TENM3: variants seen among roughly 807,000 people sequenced by gnomAD.
TENM3 encodes the protein teneurin transmembrane protein 3.
Under a neutral mutation model 255.1 loss-of-function variants are expected in TENM3, and 63 were observed. That is an observed-to-expected ratio of 0.25 (90% CI 0.20 to 0.30). TENM3 has a LOEUF of 0.30. TENM3 is among the 10% of genes least tolerant of loss of function. TENM3 has a pLI of 1.00. For synonymous variants in TENM3, 1,306 were observed against 1,322.3 expected (o/e 0.99, Z 0.27); for missense variants, 2,929 against 3,461.1 (o/e 0.85, Z 3.86).
chr4:181,983,908 T>C, the TENM3 span, among the ~76,000 whole-genome samples: 3 of 152,140 alleles, frequency 2.0e-5, no homozygotes, highest in Non-Finnish European at 4.4e-5. Context: ...AAAAACCTGA[T>C]CGGATGCCTC....
chr4:182,168,035 G>A (rs762479651), intron 1 of TENM3, among the ~76,000 whole-genome samples: 6 of 152,114 alleles, frequency 3.9e-5, no homozygotes, highest in African/African-American at 1.2e-4. Flanking sequence ...CACACCTCTC[G>A]ATTAGAGCTA....
At chr4:181,467,121 A>ATTTTTTT in the TENM3 span, among the ~76,000 whole-genome samples, 32 of 20,360 alleles carry the variant, frequency 1.6e-3, 1 homozygote, top group Admixed American at 0.012. Context: ...ATATATATAT[A>ATTTTTTT]TATATTTTTT....
At chr4:182,318,330 C>T (rs1762864044) in intron 1 of TENM3, among the ~76,000 whole-genome samples, 1 of 151,988 alleles carries the variant, frequency 6.6e-6, no homozygotes, top group African/African-American at 2.4e-5. Flanking sequence ...TCATTGGCAT[C>T]AAGGGTTTTA....
intron 7 of TENM3, among the ~76,000 whole-genome samples, chr4:182,674,868 G>A (rs973263618): frequency 6.6e-6 from 1 of 151,876 alleles, no homozygotes; most frequent in African/African-American, 2.4e-5. Context: ...ACCGCGTCTG[G>A]GCTATTTTAT....
chr4:182,560,318 T>C (rs542038616), intron 3 of TENM3, among the ~76,000 whole-genome samples: 45 of 152,294 alleles, frequency 3.0e-4, no homozygotes, highest in Non-Finnish European at 5.1e-4. Flanking sequence ...ATGTGTGTTT[T>C]ACAATTTTTT....
At chr4:182,411,114 A>G (rs996106903) in intron 3 of TENM3, among the ~76,000 whole-genome samples, 1 of 152,160 alleles carries the variant, frequency 6.6e-6, no homozygotes, top group Non-Finnish European at 1.5e-5. Flanking sequence ...ACTTATCCCT[A>G]AGTCCCACTC....
At chr4:181,486,715 A>G in the TENM3 span, among the ~76,000 whole-genome samples, 1 of 152,178 alleles carries the variant, frequency 6.6e-6, no homozygotes, top group Non-Finnish European at 1.5e-5. Context: ...CTATTTTCAG[A>G]GGTGCATAGT....
chr4:182,591,134 G>T (rs943884842), intron 3 of TENM3, among the ~76,000 whole-genome samples: 2 of 152,012 alleles, frequency 1.3e-5, no homozygotes, highest in Non-Finnish European at 2.9e-5. Context: ...CCAAAAGGTA[G>T]TATATTTAAC....
intron 1 of TENM3, among the ~76,000 whole-genome samples, chr4:182,172,687 T>C (rs2149700366): frequency 6.6e-6 from 1 of 152,290 alleles, no homozygotes; most frequent in East Asian, 1.9e-4. Flanking sequence ...AAATTATTTA[T>C]TCATACTTTC....
intron 3 of TENM3, among the ~76,000 whole-genome samples, chr4:182,401,700 A>G (rs1769222603): frequency 6.6e-6 from 1 of 152,154 alleles, no homozygotes; most frequent in East Asian, 1.9e-4. Context: ...TCTTGTATTT[A>G]TCTGTTTTAA....
chr4:182,329,340 G>C (rs569455677), intron 2 of TENM3, among the ~76,000 whole-genome samples: 1 of 152,314 alleles, frequency 6.6e-6, no homozygotes, highest in South Asian at 2.1e-4. Flanking sequence ...CCCCCACTTG[G>C]GCAAATGTTG....
At position 182,427,520 on chromosome 4, in the gene TENM3, T is replaced by C. The variant is rs185495289; in HGVS notation, c.511+80591T>C. ...TTATATGCATTTTCTGTTAATTTACTGAAAAATGCTCTCCTTCCATTTATA... is the reference window on the plus strand; with the variant it reads ...TTATATGCATTTTCTGTTAATTTACCGAAAAATGCTCTCCTTCCATTTATA... On this transcript the variant is annotated intron_variant, in intron 3 of 27. Transcript: ENST00000511685. 1.7e-3 allele frequency among the ~76,000 whole-genome samples: 264 copies of C among 152,288 alleles called. 1 individual carries two copies. Among genetic ancestry groups the C allele is most frequent in the Non-Finnish European group, 3.1e-3 (214 of 68,016 alleles).
intron 3 of TENM3, among the ~76,000 whole-genome samples, chr4:182,560,035 A>G (rs1347262417): frequency 6.6e-6 from 1 of 151,910 alleles, no homozygotes; most frequent in Non-Finnish European, 1.5e-5. Context: ...CCCCACAAAT[A>G]TATAGACCTA....
intron 3 of TENM3, among the ~76,000 whole-genome samples, chr4:182,457,325 C>G (rs6848007): frequency 0.79 from 120,244 of 152,038 alleles, 48,509 homozygotes; most frequent in East Asian, 0.95. Context: ...TGGACATTTT[C>G]TAAGAAGAGA....
the TENM3 span, among the ~76,000 whole-genome samples, chr4:181,657,472 C>T: frequency 2.6e-5 from 4 of 152,012 alleles, no homozygotes; most frequent in Non-Finnish European, 4.4e-5. Flanking sequence ...AATAAGATAC[C>T]GTCTAACACC....
At chr4:182,125,514 A>G in the TENM3 span, among the ~76,000 whole-genome samples, 1 of 152,186 alleles carries the variant, frequency 6.6e-6, no homozygotes, top group Non-Finnish European at 1.5e-5. Context: ...AAGGCTTAAA[A>G]TTGACGTTGG....
intron 4 of TENM3, among the ~76,000 whole-genome samples, chr4:182,621,677 TAAAA>T (rs1638768115): frequency 3.6e-5 from 1 of 27,546 alleles, no homozygotes; most frequent in African/African-American, 1.3e-4. Context: ...ATTATATATA[TAAAA>T]TATATAATAT....
At chr4:181,660,271 T>C in the TENM3 span, among the ~76,000 whole-genome samples, 1 of 152,120 alleles carries the variant, frequency 6.6e-6, no homozygotes, top group African/African-American at 2.4e-5. Context: ...CTTTGCCCCC[T>C]TTTTCTCTGT....
intron 3 of TENM3, among the ~76,000 whole-genome samples, chr4:182,573,418 A>C (rs1380270674): frequency 1.3e-5 from 2 of 152,194 alleles, no homozygotes; most frequent in Admixed American, 6.5e-5. Context: ...CATTAAAGTA[A>C]GCTTTTTGAC....
Sources: allele counts gnomAD v4.1 joint callset (sites outside exome capture counted in the v4.1 genomes callset), GRCh38; gene constraint gnomAD v4.1.1; transcripts MANE v1.5; gene names NCBI Gene and HGNC (gene_info 2026-07-23, HGNC 2026-07-21).